Variants in ASAP2 observed in about 807,000 individuals in gnomAD.
ASAP2 encodes the protein arf-GAP with SH3 domain, ANK repeat and PH domain-containing protein 2.
In ASAP2, 45 loss-of-function variants were observed where a neutral mutation model predicts 131.4. The observed-to-expected ratio is 0.34, with a 90% CI of 0.27 to 0.44. The LOEUF is 0.44. Among genes scored for constraint, ASAP2 ranks in the 20% least tolerant of loss-of-function variants. ASAP2 has a pLI of 1.00. For synonymous variants in ASAP2, 510 were observed against 503.0 expected (o/e 1.01, Z -0.19); for missense variants, 1,011 against 1,297.0 (o/e 0.78, Z 3.39).
chr2:9,379,902 G>T (rs908178336), intron 19 of ASAP2, among the ~76,000 whole-genome samples: 8 of 150,856 alleles, frequency 5.3e-5, no homozygotes, highest in African/African-American at 1.9e-4. Context: ...TGAGGCAGGA[G>T]AATCACTTGA....
rs1044860993 is a variant in ASAP2, at chr2:9,255,079, T to G, written c.127-24238T>G. Among the ~76,000 whole-genome samples, 4 of 152,358 alleles carry G rather than the reference T, an allele frequency of 2.6e-5. No homozygotes were observed. The East Asian group carries it at 7.7e-4, about 29-fold the overall frequency. On this transcript the variant is annotated intron_variant, in intron 1 of 27. Coordinates refer to ENST00000281419, the MANE Select transcript of ASAP2 (RefSeq NM_003887.3). ...TGAGAGTTCCAGTTCCTTCACTTCC[T>G]CATCGGTGCTTGGCATTATCAGCCA... is the stretch of plus-strand genomic sequence containing the variant.
At chr2:9,403,175 A>G (rs1676895824) in intron 27 of ASAP2, 78 bp from the exon 28 acceptor site, 1 of 1,265,528 alleles carries the variant, frequency 7.9e-7, no homozygotes, top group Non-Finnish European at 1.1e-6. Flanking sequence ...TCTTCACCAA[A>G]CGCTCTATGT....
intron 3 of ASAP2, among the ~76,000 whole-genome samples, chr2:9,300,592 C>G (rs1668419408): frequency 6.6e-6 from 1 of 152,188 alleles, no homozygotes; most frequent in Non-Finnish European, 1.5e-5. Context: ...TGATGAGCAC[C>G]CACCGGTGTA....
At chr2:9,345,234 G>A (rs1261041358) in intron 11 of ASAP2, among the ~76,000 whole-genome samples, 2 of 152,068 alleles carry the variant, frequency 1.3e-5, no homozygotes, top group African/African-American at 4.8e-5. Context: ...AGAAAAAAAT[G>A]GGCAGGACTC....
chr2:9,265,681 T>C (rs1403114883), intron 1 of ASAP2, among the ~76,000 whole-genome samples: 1 of 152,216 alleles, frequency 6.6e-6, no homozygotes, highest in South Asian at 2.1e-4. Context: ...TATCCTCTTT[T>C]ATAAGTATTT....
intron 20 of ASAP2, among the ~76,000 whole-genome samples, chr2:9,381,961 A>C (rs1335918263): frequency 2.6e-5 from 4 of 151,250 alleles, no homozygotes; most frequent in East Asian, 3.9e-4. Context: ...AGCACTGTAC[A>C]TCCACGAGCT....
intron 17 of ASAP2, among the ~76,000 whole-genome samples, chr2:9,375,756 G>C (rs908775188): frequency 2.0e-5 from 3 of 152,210 alleles, no homozygotes; most frequent in Admixed American, 2.0e-4. Flanking sequence ...TCAGAAGCTA[G>C]GCAGCCTGAG....
At position 9,281,121 on chromosome 2, in the gene ASAP2, A is replaced by G. The variant is rs1036132265; in HGVS notation, c.199+1732A>G. On this transcript the variant is annotated intron_variant, in intron 2 of 27. Transcript: ENST00000281419. This position sits in a 1 kb window ranked among gnomAD's most constrained non-coding sequence, Gnocchi z 4.0. ...TTTCATTGACAAGCACCAGATTTCA[A>G]AAAGTATCTTGGAAGATTTTTTTTT... 4.0e-5 allele frequency among the ~76,000 whole-genome samples: 6 copies of G among 151,486 alleles called. No homozygotes were observed. The highest frequency in any genetic ancestry group is 1.5e-4 in the African/African-American group (6 of 41,314).
At position 9,368,651 on chromosome 2, in the gene ASAP2, GGGTTTTCTTAGTCACT is replaced by G. The variant is rs1417833451; in HGVS notation, c.1556+133_1556+148del. 6.9e-6 allele frequency: 5 copies of G among 723,108 alleles called. No homozygotes were observed. The East Asian group carries it at 8.1e-5, about 12-fold the overall frequency. 44.8% of individuals were successfully genotyped at this position (723,108 alleles called of 1,614,324 possible). A position where few individuals can be genotyped will look rare whatever the true frequency, so the allele number is the denominator to read the frequency against. On this transcript the variant is annotated intron_variant, in intron 16 of 27. Coordinates refer to ENST00000281419, the MANE Select transcript of ASAP2 (RefSeq NM_003887.3). ...TTTAGGGAATAAATCAGCCTATGTT[GGGTTTTCTTAGTCACT>G]TTAACCTTTTGGGTGACCAAATAGA... is the stretch of plus-strand genomic sequence containing the variant.
intron 15 of ASAP2, among the ~76,000 whole-genome samples, chr2:9,363,699 T>C (rs1435296304): frequency 6.6e-6 from 1 of 152,172 alleles, no homozygotes; most frequent in African/African-American, 2.4e-5. Context: ...TCCTTCTGGG[T>C]AGCTGGGACT....
At chr2:9,325,468 G>T (rs1356149431) in intron 6 of ASAP2, among the ~76,000 whole-genome samples, 1 of 152,176 alleles carries the variant, frequency 6.6e-6, no homozygotes, top group Admixed American at 6.5e-5. Context: ...GAATGAATTT[G>T]GAAAGGGGTG....
chr2:9,365,681 C>T (rs1012143565), intron 15 of ASAP2, among the ~76,000 whole-genome samples: 4 of 152,182 alleles, frequency 2.6e-5, no homozygotes, highest in Non-Finnish European at 4.4e-5. Flanking sequence ...AGAAAAGGGG[C>T]CTCCTGGCCA....
At chr2:9,338,214 G>C (rs1671346073) in intron 9 of ASAP2, among the ~76,000 whole-genome samples, 1 of 152,108 alleles carries the variant, frequency 6.6e-6, no homozygotes, top group South Asian at 2.1e-4. Context: ...GGAGGATCAG[G>C]CTCTGGGGCA....
Position 9,374,884 on chromosome 2 carries a change from G to T in ASAP2, c.1686G>T (p.Leu562Phe). ...EAVKTRDIFG[L>F]LQAYADGVDL... ...TCAAAACGAGAGATATTTTTGGATTGCTCCAAGCTTATGCTGATGGTGTGG... is the reference window on the plus strand; with the variant it reads ...TCAAAACGAGAGATATTTTTGGATTTCTCCAAGCTTATGCTGATGGTGTGG... The change falls in exon 17 of 28, where the codon TTG (leucine) becomes TTT (phenylalanine). Residue 562 changes from leucine (L) to phenylalanine (F), a missense_variant. Leu to Phe is a conservative substitution (Grantham distance 22). Coordinates refer to ENST00000281419, the MANE Select transcript of ASAP2 (RefSeq NM_003887.3). 6.2e-7 allele frequency: 1 copy of T among 1,613,840 alleles called. No individual in the cohort carries two copies. The highest frequency in any genetic ancestry group is 8.5e-7 in the Non-Finnish European group (1 of 1,179,998).
chr2:9,344,807 A>G lies in ASAP2; in HGVS notation c.1023+7A>G, dbSNP rs758969973. On this transcript the variant is annotated splice_region_variant and intron_variant, in intron 11 of 27. Transcript: ENST00000281419. ...GACCATATCCCATGGTACCGTAAGTATTCTCTTTTAATCCATGGTGTCTGC... is the reference window on the plus strand; with the variant it reads ...GACCATATCCCATGGTACCGTAAGTGTTCTCTTTTAATCCATGGTGTCTGC... 1 of 1,610,674 alleles carries G rather than the reference A, an allele frequency of 6.2e-7. No individual in the cohort carries two copies. Among genetic ancestry groups the G allele is most frequent in the Non-Finnish European group, 8.5e-7 (1 of 1,177,280 alleles).
Position 9,400,773 on chromosome 2 carries a change from T to C in ASAP2, c.2766T>C (p.Pro922=). 1 of 1,613,792 alleles carries C rather than the reference T, an allele frequency of 6.2e-7. No homozygotes were observed. The highest frequency in any genetic ancestry group is 1.3e-5 in the African/African-American group (1 of 75,058). ...VDLSATEALG[P]LSNAMVLQPP... The stretch of plus-strand genomic sequence containing the variant: ...TCTCTGCAACGGAAGCTCTGGGTCC[T>C]CTGTCCAATGCTATGGTCCTGCAGC... The change falls in exon 26 of 28, where the codon CCT becomes CCC. Residue 922 remains proline (P), a synonymous_variant. Transcript: ENST00000281419.
intron 1 of ASAP2, among the ~76,000 whole-genome samples, chr2:9,239,635 C>T (rs1429685014): frequency 6.6e-6 from 1 of 152,114 alleles, no homozygotes; most frequent in Non-Finnish European, 1.5e-5. Flanking sequence ...TAACCGAGCA[C>T]CATTTATGTG....
intron 24 of ASAP2, among the ~76,000 whole-genome samples, chr2:9,394,920 G>A (rs967591054): frequency 7.2e-5 from 11 of 152,232 alleles, no homozygotes; most frequent in East Asian, 3.9e-4. Context: ...GTCTCTTCAC[G>A]CCCCCCGTGG....
At position 9,356,041 on chromosome 2, in the gene ASAP2, A is replaced by T; in HGVS notation, c.1112-6A>T. 6.2e-7 allele frequency: 1 copy of T among 1,614,158 alleles called. No individual in the cohort carries two copies. The highest frequency in any genetic ancestry group is 8.5e-7 in the Non-Finnish European group (1 of 1,180,014). ...GCTCACAGTTGAAATTCCTCTTGCT[A>T]TGCAGATGACAGAACTTACCACTTT... On this transcript the variant is annotated splice_polypyrimidine_tract_variant and splice_region_variant and intron_variant, in intron 12 of 27. Transcript: ENST00000281419.
Sources: allele counts gnomAD v4.1 joint callset (sites outside exome capture counted in the v4.1 genomes callset), GRCh38; gene constraint gnomAD v4.1.1; non-coding constraint Gnocchi (gnomAD v3.1); transcripts MANE v1.5; gene names NCBI Gene and HGNC (gene_info 2026-07-23, HGNC 2026-07-21).